The following IL17D variants were observed in gnomAD, a reference collection of about 807,000 sequenced individuals.
IL17D encodes interleukin-17D.
A neutral mutation model predicts 5.7 loss-of-function variants in IL17D; 10 were observed. The observed-to-expected ratio is 1.75, with a 90% CI of 1.08 to 2.97. The LOEUF (loss-of-function observed/expected upper bound fraction) is 2.97. IL17D is among the 30% of genes most tolerant of loss of function. IL17D has a pLI of 0.00. For missense variants in IL17D, 354 were observed against 292.7 expected (o/e 1.21, Z -1.53); for synonymous variants, 172 against 141.7 (o/e 1.21, Z -1.52).
rs2058746699 is a variant in IL17D at position 20,722,671 on chromosome 13, T to C, written c.*717T>C. 2 of 152,338 alleles carry C rather than the reference T, an allele frequency of 1.3e-5. No individual in the cohort carries two copies. The highest frequency in any genetic ancestry group is 3.4e-3 in the Middle Eastern group (1 of 294). The allele number at this position is 152,338 out of a possible 1,614,324, so 9.4% of individuals were successfully genotyped here. On this transcript the variant is annotated 3_prime_UTR_variant, in exon 2 of 2. Transcript: ENST00000682841. ...CGGGCCTCCAGGTGGACCAAAGGGA[T>C]GCACAGGCGGCTCGCATGCCCCAGG...
At chr13:20,714,825 A>G (rs1239438557) in intron 1 of IL17D, among the ~76,000 whole-genome samples, 3 of 152,206 alleles carry the variant, frequency 2.0e-5, no homozygotes, top group African/African-American at 7.2e-5. Flanking sequence ...TTGGCAGCAC[A>G]TATTGAAGAT....
chr13:20,718,890 GTGCTCACACACCCGCCCA>G (rs1566521406), intron 1 of IL17D, among the ~76,000 whole-genome samples: 2 of 77,370 alleles, frequency 2.6e-5, no homozygotes, highest in Non-Finnish European at 5.0e-5. Flanking sequence ...ACACCTGCCC[GTGCTCACACACCCGCCCA>G]TGCTCACACA....
In IL17D at chr13:20,721,888, C is replaced by G; in HGVS notation, c.543C>G (p.Asn181Lys). Residue 181 changes from asparagine (N) to lysine (K), a missense_variant, in exon 2 of 2, where the codon AAC becomes AAG. Coordinates refer to ENST00000682841, the MANE Select transcript of IL17D (RefSeq NM_001385224.1). ...CGGAGAAGGACGCAGACAGCATCAA[C>G]TCCAGCATCGACAAACAGGGCGCCA... ...PEPEKDADSINSSIDKQGAKL... is the reference protein window; with the variant it reads ...PEPEKDADSIKSSIDKQGAKL... 1 of 1,609,534 alleles carries G rather than the reference C, an allele frequency of 6.2e-7. No individual in the cohort carries two copies. The highest frequency in any genetic ancestry group is 8.5e-7 in the Non-Finnish European group (1 of 1,179,642).
At chr13:20,701,553 G>A (rs1202657536), upstream of IL17D, 1 of 152,176 alleles carries the variant, frequency 6.6e-6, no homozygotes, top group Non-Finnish European at 1.5e-5. Flanking sequence ...TGGGTGTGCT[G>A]AGTAAACCAG....
At chr13:20,710,161 G>A (rs116473969) in intron 1 of IL17D, among the ~76,000 whole-genome samples, 3,604 of 152,224 alleles carry the variant, frequency 0.024, 144 homozygotes, top group African/African-American at 0.082. Flanking sequence ...GTGGCATAAT[G>A]TTTGTTTCTC....
At chr13:20,713,239 G>A (rs576035360) in intron 1 of IL17D, 1 of 152,318 alleles carries the variant, frequency 6.6e-6, no homozygotes, top group East Asian at 1.9e-4. Context: ...TGGCTGGGAA[G>A]GTCTCAGTCA....
chr13:20,702,329 G>C (rs1309436773), upstream of IL17D: 1 of 152,182 alleles, frequency 6.6e-6, no homozygotes, highest in Admixed American at 6.5e-5. Flanking sequence ...TCAATGCATA[G>C]GAAAGTGTTT....
At chr13:20,703,362 G>A (rs2058559403), upstream of IL17D, 6 of 985,990 alleles carry the variant, frequency 6.1e-6, no homozygotes, top group Non-Finnish European at 7.2e-6. Flanking sequence ...TCAGCTCCTG[G>A]AGGCGAAAGG....
chr13:20,712,841 A>G (rs1379535345), intron 1 of IL17D: 2 of 152,144 alleles, frequency 1.3e-5, no homozygotes, highest in Non-Finnish European at 2.9e-5. Flanking sequence ...GGGCCGGCCC[A>G]CCGCGTGGTC....
rs1232379383 is a variant in IL17D, at chr13:20,716,059, C to A, written c.291-5577C>A. ...CAGAATCGACACTTTTAACAGGAGT[C>A]CCATATAGGCCTCATGCCGGTGGTC... On this transcript the variant is annotated intron_variant, in intron 1 of 1. Transcript: ENST00000682841. The surrounding 1 kb of genome is among the most constrained non-coding windows in gnomAD (Gnocchi z 4.2). The A allele has an allele frequency of 1.0e-6, 1 of 984,266 alleles. No individual in the cohort carries two copies. The highest frequency in any genetic ancestry group is 1.2e-6 in the Non-Finnish European group (1 of 828,950). 61.0% of individuals were successfully genotyped at this position (984,266 alleles called of 1,614,324 possible).
At chr13:20,710,068 C>T (rs999486829) in intron 1 of IL17D, among the ~76,000 whole-genome samples, 3 of 152,122 alleles carry the variant, frequency 2.0e-5, no homozygotes, top group East Asian at 1.9e-4. Flanking sequence ...TCTCTGGTTC[C>T]GTCTAGCCCA....
upstream of IL17D, chr13:20,703,682 GGCACACGCACACGT>G (rs1258299345): frequency 6.6e-6 from 1 of 151,120 alleles, no homozygotes; most frequent in Non-Finnish European, 1.5e-5. Flanking sequence ...CAACCCGGCA[GGCACACGCACACGT>G]GCACGCGCGC....
intron 1 of IL17D, among the ~76,000 whole-genome samples, chr13:20,707,727 G>T (rs575833211): frequency 6.6e-6 from 1 of 152,210 alleles, no homozygotes; most frequent in African/African-American, 2.4e-5. Context: ...GCCTCACTTT[G>T]TTGCCCAGGT....
intron 1 of IL17D, chr13:20,712,575 G>C (rs544136663): frequency 6.6e-6 from 1 of 152,292 alleles, no homozygotes; most frequent in South Asian, 2.1e-4. Flanking sequence ...GGGTGACAGA[G>C]CAAAACTACG....
At chr13:20,706,789 G>A (rs575219422) in intron 1 of IL17D, among the ~76,000 whole-genome samples, 4 of 152,320 alleles carry the variant, frequency 2.6e-5, no homozygotes, top group African/African-American at 7.2e-5. Flanking sequence ...TCTGGGAGCC[G>A]AGGGAGGTTA....
chr13:20,703,943 C>G lies in IL17D; in HGVS notation c.-59C>G, dbSNP rs1752497592. ...CCGCGGGCGGGACACGGGCGCGGGGCGCAGGCGGGCTCCTCCGGCGCGTGC... is the reference window on the plus strand; with the variant it reads ...CCGCGGGCGGGACACGGGCGCGGGGGGCAGGCGGGCTCCTCCGGCGCGTGC... On this transcript the variant is annotated 5_prime_UTR_variant, in exon 1 of 2. Transcript: ENST00000682841. The G allele has an allele frequency of 9.6e-6, 9 of 936,966 alleles. No homozygotes were observed. The South Asian group carries it at 3.9e-4, about 41-fold the overall frequency. The allele number at this position is 936,966 out of a possible 1,614,324, so 58.0% of individuals were successfully genotyped here. A position where few individuals can be genotyped will look rare whatever the true frequency, so the allele number is the denominator to read the frequency against.
intron 1 of IL17D, among the ~76,000 whole-genome samples, chr13:20,717,992 T>C (rs1269821398): frequency 6.6e-6 from 1 of 152,032 alleles, no homozygotes; most frequent in Non-Finnish European, 1.5e-5. Flanking sequence ...GTTACCTACA[T>C]ACCGAGGGCA....
intron 1 of IL17D, among the ~76,000 whole-genome samples, chr13:20,718,254 C>T (rs1170592397): frequency 3.9e-5 from 6 of 152,138 alleles, no homozygotes; most frequent in Admixed American, 1.3e-4. Flanking sequence ...CTGCTGTGGT[C>T]TCCAGGGCTC....
intron 1 of IL17D, among the ~76,000 whole-genome samples, chr13:20,711,957 G>C (rs141308872): frequency 6.6e-6 from 1 of 152,356 alleles, no homozygotes; most frequent in Non-Finnish European, 1.5e-5. Flanking sequence ...ATGTGCCCAA[G>C]TTCAGCTTCC....
Sources: allele counts gnomAD v4.1 joint callset (sites outside exome capture counted in the v4.1 genomes callset), GRCh38; gene constraint gnomAD v4.1.1; non-coding constraint Gnocchi (gnomAD v3.1); transcripts MANE v1.5; gene names NCBI Gene and HGNC (gene_info 2026-07-23, HGNC 2026-07-21).